The following SCN3A variants were observed in gnomAD, a reference collection of about 807,000 sequenced individuals.
SCN3A encodes the protein sodium channel protein type 3 subunit alpha.
In SCN3A, 60 loss-of-function variants were observed where a neutral mutation model predicts 187.6. The observed-to-expected ratio is 0.32, with a 90% CI of 0.26 to 0.40. The LOEUF (loss-of-function observed/expected upper bound fraction) is 0.40, where lower values mean the gene tolerates loss of function less well. Among genes scored for constraint, SCN3A ranks in the 10% least tolerant of loss-of-function variants. The pLI, the probability that SCN3A is intolerant of heterozygous loss-of-function variation, is 1.00. For synonymous variants in SCN3A, 788 were observed against 829.2 expected (o/e 0.95, Z 0.85); for missense variants, 1,601 against 2,428.2 (o/e 0.66, Z 7.16).
intron 8 of SCN3A, 27 bp downstream of exon 8, chr2:165,162,529 A>G (rs757729408): frequency 6.2e-7 from 1 of 1,613,374 alleles, no homozygotes; most frequent in Non-Finnish European, 8.5e-7. Context: ...AGCAACACTA[A>G]GGTTAACATA....
intron 15 of SCN3A, among the ~76,000 whole-genome samples, chr2:165,135,168 A>G (rs1479354708): frequency 2.0e-5 from 3 of 151,996 alleles, no homozygotes; most frequent in East Asian, 3.9e-4. Flanking sequence ...TTGATAGGCT[A>G]TTTTTTGCTG....
At chr2:165,152,725 C>T (rs1348807329) in intron 11 of SCN3A, among the ~76,000 whole-genome samples, 2 of 152,052 alleles carry the variant, frequency 1.3e-5, no homozygotes, top group African/African-American at 4.8e-5. Context: ...CACATCCTCT[C>T]CAGCACCTGT....
chr2:165,095,583 G>C lies in SCN3A; in HGVS notation c.4359C>G (p.Ile1453Met). ...GATTCAGAGTGAAGAATGACCCAAA[G>C]ATGATAAAGATGACAAAGTATAAAT... ...YMYLYFVIFIIFGSFFTLNLF... is the reference protein window; with the variant it reads ...YMYLYFVIFIMFGSFFTLNLF... Residue 1453 changes from isoleucine to methionine, a missense_variant, in exon 25 of 28, where the codon ATC becomes ATG. Physicochemically the swap from Ile to Met is conservative, Grantham distance 10. Around this residue, in one of 11 missense-constraint regions of SCN3A, gnomAD observed 320 missense variants for 623.2 expected, o/e 0.51. Coordinates refer to ENST00000283254, the MANE Select transcript of SCN3A (RefSeq NM_006922.4). The C allele has an allele frequency of 6.3e-7, 1 of 1,578,616 alleles. No homozygotes were observed. The highest frequency in any genetic ancestry group is 8.7e-7 in the Non-Finnish European group (1 of 1,147,970).
intron 25 of SCN3A, among the ~76,000 whole-genome samples, chr2:165,094,706 C>T (rs566180504): frequency 6.6e-6 from 1 of 152,216 alleles, no homozygotes; most frequent in South Asian, 2.1e-4. Context: ...TTTGATTATA[C>T]TATGTTTAAA....
intron 18 of SCN3A, among the ~76,000 whole-genome samples, chr2:165,124,271 A>G (rs1411099236): frequency 6.6e-6 from 1 of 152,154 alleles, no homozygotes; most frequent in Non-Finnish European, 1.5e-5. Flanking sequence ...GCCATTAAAA[A>G]GGCATGATAA....
At chr2:165,091,379 A>AT in intron 27 of SCN3A, 34 bp from the exon 28 acceptor site, 1 of 1,612,554 alleles carries the variant, frequency 6.2e-7, no homozygotes, top group Non-Finnish European at 8.5e-7. Flanking sequence ...TAAACAGATA[A>AT]TATCTTTCAC....
intron 1 of SCN3A, 63 bp from the exon 2 acceptor site, chr2:165,186,810 C>T (rs770114259): frequency 6.6e-6 from 1 of 152,040 alleles, no homozygotes; most frequent in Non-Finnish European, 1.5e-5. Context: ...TAGGGGTGCT[C>T]TGGCTCTGTG....
intron 2 of SCN3A, among the ~76,000 whole-genome samples, 174 bp from the exon 3 acceptor site, chr2:165,176,618 A>G (rs1022886324): frequency 6.6e-6 from 1 of 152,152 alleles, no homozygotes; most frequent in Non-Finnish European, 1.5e-5. Context: ...CTCATTCTCA[A>G]TAAGCCAAGT....
intron 15 of SCN3A, among the ~76,000 whole-genome samples, chr2:165,132,861 G>A (rs1307879447): frequency 2.0e-5 from 3 of 151,700 alleles, no homozygotes; most frequent in African/African-American, 7.3e-5. Flanking sequence ...AAAATGGGAG[G>A]AAATTTTCGC....
At chr2:165,159,835 A>G (rs976874132) in intron 9 of SCN3A, among the ~76,000 whole-genome samples, 1 of 136,948 alleles carries the variant, frequency 7.3e-6, no homozygotes. Context: ...TAAATACAAA[A>G]TGGTTTTGTA....
chr2:165,172,786 T>C (rs1021477055), intron 3 of SCN3A, among the ~76,000 whole-genome samples: 1 of 152,152 alleles, frequency 6.6e-6, no homozygotes, highest in Non-Finnish European at 1.5e-5. Context: ...GCTAAGAGCA[T>C]CTTCGTTGAA....
In SCN3A at chr2:165,087,926, T is replaced by C. The variant is rs1393421884; in HGVS notation, c.*2224A>G. 1.3e-5 allele frequency: 2 copies of C among 152,142 alleles called. No homozygotes were observed. The highest frequency in any genetic ancestry group is 4.8e-5 in the African/African-American group (2 of 41,440). The allele number at this position is 152,142 out of a possible 1,614,324, so 9.4% of individuals were successfully genotyped here. ...TGAAAGTTGGAACATGTGAACTTGA[T>C]CCTTTGCACACATAAAAGTTCACAA... On this transcript the variant is annotated 3_prime_UTR_variant, in exon 28 of 28. Coordinates refer to ENST00000283254, the MANE Select transcript of SCN3A (RefSeq NM_006922.4).
At chr2:165,150,020 C>T (rs1688600664) in intron 11 of SCN3A, among the ~76,000 whole-genome samples, 1 of 152,178 alleles carries the variant, frequency 6.6e-6, no homozygotes, top group African/African-American at 2.4e-5. Flanking sequence ...TTAAGAGCTA[C>T]TATTTCGAAT....
chr2:165,147,623 C>T (rs911190197), intron 11 of SCN3A, among the ~76,000 whole-genome samples: 37 of 152,036 alleles, frequency 2.4e-4, no homozygotes, highest in African/African-American at 8.7e-4. Flanking sequence ...TCATGTTACT[C>T]CCAGAGAATT....
At chr2:165,170,019 CAAAG>C (rs1005394576) in intron 4 of SCN3A, among the ~76,000 whole-genome samples, 1 of 151,564 alleles carries the variant, frequency 6.6e-6, no homozygotes, top group Non-Finnish European at 1.5e-5. Context: ...AGGAAGGACA[CAAAG>C]AAGGATAAAT....
rs75686611 is a variant in SCN3A at position 165,179,882 on chromosome 2, A to C, written c.-50-3438T>G. On this transcript the variant is annotated intron_variant, in intron 2 of 27. Transcript: ENST00000283254. Reference sequence around the variant, plus strand: ...TGAGCTTATTATACAGAGTTCTTACATAATTTTATATTCACATTAGAGCAG... The same window carrying C: ...TGAGCTTATTATACAGAGTTCTTACCTAATTTTATATTCACATTAGAGCAG... Among the ~76,000 whole-genome samples, 6 of 152,250 alleles carry C rather than the reference A, an allele frequency of 3.9e-5. No homozygotes were observed. In the East Asian group the frequency reaches 7.7e-4, roughly 20 times the overall value.
chr2:165,131,936 AT>A (rs1474534352), intron 15 of SCN3A, among the ~76,000 whole-genome samples: 1 of 151,874 alleles, frequency 6.6e-6, no homozygotes, highest in Non-Finnish European at 1.5e-5. Context: ...TGAACTCATC[AT>A]TTTTTATGGC....
intron 6 of SCN3A, 96 bp from the exon 7 acceptor site, chr2:165,163,805 G>T: frequency 6.2e-7 from 1 of 1,613,664 alleles, no homozygotes. Flanking sequence ...TTCTTACCTG[G>T]AATTACAGAA....
At chr2:165,111,484 TACAC>T (rs60417556) in intron 21 of SCN3A, among the ~76,000 whole-genome samples, 23,082 of 142,266 alleles carry the variant, frequency 0.16, 1,961 homozygotes, top group East Asian at 0.31. Context: ...GCCAGTCTGA[TACAC>T]ACACACACAC....
Sources: gnomAD v4.1 joint callset for allele counts (sites outside exome capture counted in the v4.1 genomes callset) on GRCh38, gnomAD v4.1.1 for gene constraint, gnomAD v4.1.1 regional missense constraint, MANE v1.5 for transcripts, NCBI Gene and HGNC (gene_info 2026-07-23, HGNC 2026-07-21) for gene names.